The following NAPB variants were observed in gnomAD, a reference collection of about 807,000 sequenced individuals.
NAPB encodes the protein NSF attachment protein beta.
NAPB carries 26 observed loss-of-function variants against 44.7 expected under a neutral mutation model. The ratio of observed to expected loss-of-function variants is 0.58; its 90% CI spans 0.43 to 0.81. The LOEUF is 0.81. Among genes scored for constraint, NAPB ranks in the 30% least tolerant of loss-of-function variants. NAPB has a pLI of 0.00. For missense variants in NAPB, 315 were observed against 356.4 expected, an observed-to-expected ratio of 0.88 and a Z score of 0.94; for synonymous variants, 120 against 116.8, an observed-to-expected ratio of 1.03 and a Z score of -0.18.
chr20:23,387,378 G>A (rs1273667399), intron 7 of NAPB, among the ~76,000 whole-genome samples: 1 of 152,076 alleles, frequency 6.6e-6, no homozygotes, highest in Non-Finnish European at 1.5e-5. Context: ...CACTGCACTG[G>A]AGATTCTAGC....
In NAPB at chr20:23,421,355, C is replaced by T. The variant is rs1418188309; in HGVS notation, c.48G>A (p.Glu16=). ...GGGAGGCCTTGACTCGCTTCTCGGC[C>T]TCCGCCATCAGCTGTACTGCCTCAC... is the stretch of plus-strand genomic sequence containing the variant. The part of the protein sequence containing the change: ...KEREAVQLMA[E]AEKRVKASHS... Residue 16 remains glutamate, a synonymous_variant, in exon 1 of 11, where the codon GAG becomes GAA. Coordinates refer to ENST00000377026, the MANE Select transcript of NAPB (RefSeq NM_022080.3). 2 of 1,562,194 alleles carry T rather than the reference C, an allele frequency of 1.3e-6. No homozygotes were observed. Among genetic ancestry groups the T allele is most frequent in the African/African-American group, 2.7e-5 (2 of 73,246 alleles).
At chr20:23,378,103 G>C (rs200494539) in intron 10 of NAPB, among the ~76,000 whole-genome samples, 1 of 150,774 alleles carries the variant, frequency 6.6e-6, no homozygotes, top group East Asian at 2.0e-4. Context: ...TTAAGCCCAG[G>C]AGTTAAGAGA....
Position 23,375,914 on chromosome 20 carries a change from T to G in NAPB, c.*1462A>C, listed in dbSNP as rs1423034151. The G allele has an allele frequency of 6.6e-6, 1 of 152,394 alleles. No individual in the cohort carries two copies. Among genetic ancestry groups the G allele is most frequent in the African/African-American group, 2.4e-5 (1 of 41,446 alleles). 9.4% of individuals were successfully genotyped at this position (152,394 alleles called of 1,614,324 possible). A position where few individuals can be genotyped will look rare whatever the true frequency, so the allele number is the denominator to read the frequency against. On this transcript the variant is annotated 3_prime_UTR_variant, in exon 11 of 11. Transcript: ENST00000377026. ...TCCCACTTCCTTTCCTGCTACTTTC[T>G]CTTTCTTCCTAGACTGACCTACTCA...
intron 7 of NAPB, among the ~76,000 whole-genome samples, chr20:23,384,903 G>A (rs190892837): frequency 2.0e-5 from 3 of 152,144 alleles, no homozygotes; most frequent in East Asian, 1.9e-4. Flanking sequence ...GTGTATCACC[G>A]AGGTCAGGAG....
intron 7 of NAPB, 75 bp downstream of exon 7, chr20:23,389,871 A>T: frequency 7.6e-7 from 1 of 1,317,358 alleles, no homozygotes; most frequent in Admixed American, 1.9e-5. Context: ...TATCTCAATA[A>T]ACAGAAAAAT....
At chr20:23,409,701 A>G (rs770327006) in intron 1 of NAPB, among the ~76,000 whole-genome samples, 3 of 152,228 alleles carry the variant, frequency 2.0e-5, no homozygotes, top group Non-Finnish European at 4.4e-5. Context: ...GGCTGCTTAG[A>G]TAAATATATC....
At chr20:23,407,713 C>A (rs893752230) in intron 1 of NAPB, among the ~76,000 whole-genome samples, 2 of 151,232 alleles carry the variant, frequency 1.3e-5, no homozygotes, top group Non-Finnish European at 2.9e-5. Flanking sequence ...GAAAGAATAT[C>A]AAGCTTCACG....
chr20:23,404,800 C>A (rs186119907), intron 1 of NAPB, among the ~76,000 whole-genome samples: 23 of 152,286 alleles, frequency 1.5e-4, no homozygotes, highest in African/African-American at 5.5e-4. Context: ...ACATGTGATA[C>A]CACATGGCTC....
intron 1 of NAPB, among the ~76,000 whole-genome samples, chr20:23,407,797 T>C (rs1199332217): frequency 6.6e-6 from 1 of 152,220 alleles, no homozygotes; most frequent in African/African-American, 2.4e-5. Flanking sequence ...GCCACAAATG[T>C]CCCACCAGGA....
intron 1 of NAPB, among the ~76,000 whole-genome samples, chr20:23,412,264 A>C (rs1985707893): frequency 6.6e-6 from 1 of 152,194 alleles, no homozygotes; most frequent in Admixed American, 6.5e-5. Flanking sequence ...CTCATACTTC[A>C]TCAGTCAAAG....
At chr20:23,401,403 A>G (rs1984831965) in intron 2 of NAPB, among the ~76,000 whole-genome samples, 1 of 152,220 alleles carries the variant, frequency 6.6e-6, no homozygotes, top group African/African-American at 2.4e-5. Flanking sequence ...AACCTCAGAC[A>G]TAAATGGAAA....
In NAPB at chr20:23,381,070, C is replaced by CT. The variant is rs1225644609; in HGVS notation, c.666+142_666+143insA. On this transcript the variant is annotated intron_variant, in intron 8 of 10. Transcript: ENST00000377026. ...CTGTTAAAAGATTACAACTGGGACA[C>CT]ATACCACAGAATAATACTTATTTTT... 5.7e-5 allele frequency: 35 copies of CT among 617,318 alleles called. No individual in the cohort carries two copies. In the African/African-American group the frequency reaches 5.9e-4, roughly 10 times the overall value. The allele number at this position is 617,318 out of a possible 1,614,324, so 38.2% of individuals were successfully genotyped here. A position where few individuals can be genotyped will look rare whatever the true frequency, so the allele number is the denominator to read the frequency against.
At chr20:23,396,166 T>G (rs1984348255) in intron 3 of NAPB, among the ~76,000 whole-genome samples, 1 of 152,242 alleles carries the variant, frequency 6.6e-6, no homozygotes, top group Non-Finnish European at 1.5e-5. Context: ...CAGTCTCATG[T>G]GCTTCTTTAA....
chr20:23,405,563 A>G (rs1386562066), intron 1 of NAPB, among the ~76,000 whole-genome samples: 2 of 152,096 alleles, frequency 1.3e-5, no homozygotes, highest in East Asian at 3.9e-4. Context: ...ATCTCTAGTA[A>G]AAATACAAAA....
intron 7 of NAPB, among the ~76,000 whole-genome samples, chr20:23,382,333 GA>G (rs35280667): frequency 0.57 from 86,207 of 152,052 alleles, 26,262 homozygotes; most frequent in East Asian, 0.88. Context: ...AAGGCCAACT[GA>G]AAAGAGAACG....
chr20:23,386,332 C>CA (rs747405131), intron 7 of NAPB, among the ~76,000 whole-genome samples: 2 of 151,718 alleles, frequency 1.3e-5, no homozygotes, highest in African/African-American at 4.8e-5. Context: ...AAAATAAAAA[C>CA]AAAAAAAGAG....
chr20:23,407,395 G>C (rs1985330257), intron 1 of NAPB, among the ~76,000 whole-genome samples: 1 of 152,154 alleles, frequency 6.6e-6, no homozygotes, highest in Non-Finnish European at 1.5e-5. Flanking sequence ...AGCAACATAA[G>C]TTAAACACTT....
chr20:23,387,737 G>C (rs1983632222), intron 7 of NAPB, among the ~76,000 whole-genome samples: 1 of 152,076 alleles, frequency 6.6e-6, no homozygotes, highest in South Asian at 2.1e-4. Flanking sequence ...CAAAATGAAA[G>C]AAGATCCAAA....
At chr20:23,415,458 G>A (rs2123265663) in intron 1 of NAPB, among the ~76,000 whole-genome samples, 1 of 152,144 alleles carries the variant, frequency 6.6e-6, no homozygotes, top group East Asian at 1.9e-4. Context: ...GCTGGGTGTG[G>A]TGGCACCCAT....
Sources: gnomAD v4.1 joint callset for allele counts (sites outside exome capture counted in the v4.1 genomes callset) on GRCh38, gnomAD v4.1.1 for gene constraint, MANE v1.5 for transcripts, NCBI Gene and HGNC (gene_info 2026-07-23, HGNC 2026-07-21) for gene names.